Variants in MAP4K1 observed in about 807,000 individuals in gnomAD.
The protein encoded by MAP4K1 is MAPK/ERK kinase kinase kinase 1.
In MAP4K1, 35 loss-of-function variants were observed where a neutral mutation model predicts 122.8. The ratio of observed to expected loss-of-function variants is 0.29; its 90% confidence interval spans 0.22 to 0.38. The LOEUF is 0.38. Among genes scored for constraint, MAP4K1 ranks in the 10% least tolerant of loss-of-function variants. MAP4K1 has a pLI of 1.00. For missense variants in MAP4K1, 791 were observed against 1,072.6 expected (o/e 0.74, Z 3.67); for synonymous variants, 412 against 421.3 (o/e 0.98, Z 0.27).
chr19:38,616,142 T>C, intron 4 of MAP4K1, 53 bp downstream of exon 4: 1 of 1,421,890 alleles, frequency 7.0e-7, no homozygotes, highest in Non-Finnish European at 9.7e-7. Flanking sequence ...TGGGTCGGGG[T>C]TGGGGGGTGG....
At chr19:38,612,249 G>A (rs1309689720) in intron 9 of MAP4K1, among the ~76,000 whole-genome samples, 7 of 151,432 alleles carry the variant, frequency 4.6e-5, no homozygotes, top group South Asian at 2.1e-4. Context: ...TTGAAACCCC[G>A]TCTCTACTAA....
In MAP4K1 at chr19:38,593,334, G is replaced by A. The variant is rs767803149; in HGVS notation, c.2344C>T (p.Leu782=). The change falls in exon 30 of 31, where the codon CTA becomes TTA. Residue 782 remains leucine, a synonymous_variant. Transcript: ENST00000396857. ...AGGGTAGGGTCTCTCAGCTCCTGTA[G>A]CAGCTAGGGAAAAAAAGTGTGTGTC... The part of the protein sequence containing the change: ...QVWALGSDQL[L]QELRDPTLTF... 7 of 1,609,446 alleles carry A rather than the reference G, an allele frequency of 4.3e-6. 1 individual carries two copies. Among genetic ancestry groups the A allele is most frequent in the Non-Finnish European group, 5.9e-6 (7 of 1,177,732 alleles).
chr19:38,604,939 A>C (rs1975279298), intron 19 of MAP4K1, among the ~76,000 whole-genome samples: 1 of 150,932 alleles, frequency 6.6e-6, no homozygotes, highest in South Asian at 2.1e-4. Context: ...ATACAAAATT[A>C]GCCGGGCATG....
At chr19:38,600,025 C>G in intron 21 of MAP4K1, 40 bp from the exon 22 acceptor site, 1 of 1,614,098 alleles carries the variant, frequency 6.2e-7, no homozygotes, top group Non-Finnish European at 8.5e-7. Context: ...GACACCCCAG[C>G]AACCCCCGAC....
chr19:38,603,839 C>G (rs1975241165), intron 19 of MAP4K1, among the ~76,000 whole-genome samples: 1 of 152,040 alleles, frequency 6.6e-6, no homozygotes, highest in South Asian at 2.1e-4. Context: ...CAAAAATTAG[C>G]TGGGCGTGGT....
intron 19 of MAP4K1, among the ~76,000 whole-genome samples, chr19:38,602,882 T>TATACA (rs1975151122): frequency 8.1e-6 from 1 of 122,702 alleles, no homozygotes; most frequent in Non-Finnish European, 1.8e-5. Flanking sequence ...ACATATATAC[T>TATACA]TATATACACA....
intron 8 of MAP4K1, among the ~76,000 whole-genome samples, chr19:38,613,309 G>GAAA (rs1207056960): frequency 2.3e-5 from 1 of 43,850 alleles, no homozygotes; most frequent in African/African-American, 8.7e-5. Flanking sequence ...TCCGTCTCAA[G>GAAA]AAAAAAAAAA....
intron 30 of MAP4K1, among the ~76,000 whole-genome samples, chr19:38,588,575 C>T (rs1297182611): frequency 6.6e-6 from 1 of 151,154 alleles, no homozygotes; most frequent in Non-Finnish European, 1.5e-5. Context: ...ACGGTGAAAC[C>T]CCATCTCTAC....
chr19:38,588,508 T>A (rs1429227985), intron 30 of MAP4K1, among the ~76,000 whole-genome samples: 2 of 151,622 alleles, frequency 1.3e-5, no homozygotes, highest in East Asian at 3.9e-4. Flanking sequence ...CTGGCCAATA[T>A]GGTGAATCCC....
At chr19:38,609,495 G>T in intron 13 of MAP4K1, 101 bp downstream of exon 13, 1 of 1,005,246 alleles carries the variant, frequency 9.9e-7, no homozygotes, top group Non-Finnish European at 1.5e-6. Flanking sequence ...TATAGGATCA[G>T]ATGATGCTGA....
chr19:38,590,387 AAAAAAAAAT>A (rs1279503444), intron 30 of MAP4K1, among the ~76,000 whole-genome samples: 79 of 70,746 alleles, frequency 1.1e-3, no homozygotes, highest in South Asian at 2.2e-3. Flanking sequence ...AAAAAAAAAA[AAAAAAAAAT>A]ATATATATAT....
At chr19:38,608,261 G>A in intron 13 of MAP4K1, 91 bp from the exon 14 acceptor site, 2 of 575,740 alleles carry the variant, frequency 3.5e-6, no homozygotes, top group Non-Finnish European at 6.0e-6. Flanking sequence ...AATTGGCGGG[G>A]GGGTTGCAGT....
chr19:38,605,741 G>C lies in MAP4K1; in HGVS notation c.1201-11C>G. 1 of 1,601,352 alleles carries C rather than the reference G, an allele frequency of 6.2e-7. No homozygotes were observed. Among genetic ancestry groups the C allele is most frequent in the Non-Finnish European group, 8.5e-7 (1 of 1,176,916 alleles). On this transcript the variant is annotated splice_polypyrimidine_tract_variant and intron_variant, in intron 17 of 30. Coordinates refer to ENST00000396857, the MANE Select transcript of MAP4K1 (RefSeq NM_001042600.3). ...AGAACGGAACTTGGGCTTTGGAGAC[G>C]GGAATGGAGCGTGGGGAAATACATC...
chr19:38,604,530 A>G (rs943370023), intron 19 of MAP4K1, among the ~76,000 whole-genome samples: 2 of 150,426 alleles, frequency 1.3e-5, no homozygotes, highest in African/African-American at 4.9e-5. Context: ...GTGGCTCATG[A>G]CTGTAATCCC....
chr19:38,602,957 C>CATACAT (rs199651684), intron 19 of MAP4K1, among the ~76,000 whole-genome samples: 12,939 of 125,898 alleles, frequency 0.1, 1,709 homozygotes, highest in East Asian at 0.25. Context: ...TATATACACA[C>CATACAT]ATATACACAT....
chr19:38,596,566 G>A (rs1288110935), intron 25 of MAP4K1, 80 bp from the exon 26 acceptor site: 2 of 1,215,778 alleles, frequency 1.6e-6, no homozygotes, highest in African/African-American at 1.5e-5. Flanking sequence ...AGCTGGCCTG[G>A]GACTTCCGAA....
At chr19:38,607,280 G>A (rs1975355975) in intron 16 of MAP4K1, among the ~76,000 whole-genome samples, 1 of 151,880 alleles carries the variant, frequency 6.6e-6, no homozygotes, top group Admixed American at 6.6e-5. Context: ...ATGGAAGGAG[G>A]CCAAGTGCAG....
At position 38,617,611 on chromosome 19, in the gene MAP4K1, C is replaced by T. The variant is rs760720792; in HGVS notation, c.114G>A (p.Val38=). The part of the protein sequence containing the change: ...YGEVFKARDK[V]SGDLVALKMV... ...TCTTCAGTGCCACCAGGTCCCCTGA[C>T]ACCTTGTCTCGAGCCTTGCAAAGGG... is the stretch of plus-strand genomic sequence containing the variant. The change falls in exon 2 of 31, where the codon GTG becomes GTA. Residue 38 remains valine, a synonymous_variant. Coordinates refer to ENST00000396857, the MANE Select transcript of MAP4K1 (RefSeq NM_001042600.3). This position sits in a 1 kb window ranked among gnomAD's most constrained non-coding sequence, Gnocchi z 4.1. 6.2e-7 allele frequency: 1 copy of T among 1,614,152 alleles called. No individual in the cohort carries two copies. Among genetic ancestry groups the T allele is most frequent in the Non-Finnish European group, 8.5e-7 (1 of 1,180,032 alleles).
At chr19:38,607,036 A>G (rs1975348985) in intron 16 of MAP4K1, among the ~76,000 whole-genome samples, 1 of 152,062 alleles carries the variant, frequency 6.6e-6, no homozygotes, top group African/African-American at 2.4e-5. Flanking sequence ...GCAAAAAGAT[A>G]GGAAAAGCTG....
Sources: allele counts gnomAD v4.1 joint callset (sites outside exome capture counted in the v4.1 genomes callset), GRCh38; gene constraint gnomAD v4.1.1; non-coding constraint Gnocchi (gnomAD v3.1); transcripts MANE v1.5; gene names NCBI Gene and HGNC (gene_info 2026-07-23, HGNC 2026-07-21).